The following ANKS1B variants were observed in gnomAD, a reference collection of about 807,000 sequenced individuals.
ANKS1B encodes the protein ankyrin repeat and sterile alpha motif domain containing 1B.
In ANKS1B, 36 loss-of-function variants were observed where a neutral mutation model predicts 148.3. The observed-to-expected ratio is 0.24, with a 90% CI of 0.19 to 0.32. The LOEUF is 0.32. Ranked by LOEUF, ANKS1B falls within the 10% of genes least tolerant of loss-of-function variation. The pLI is 1.00. For synonymous variants in ANKS1B, 542 were observed against 560.8 expected (o/e 0.97, Z 0.47); for missense variants, 1,157 against 1,542.6 (o/e 0.75, Z 4.19).
At chr12:98,940,137 G>A (rs554895759) in intron 17 of ANKS1B, among the ~76,000 whole-genome samples, 11 of 152,320 alleles carry the variant, frequency 7.2e-5, no homozygotes, top group Admixed American at 2.0e-4. Context: ...TCTTCTGTCA[G>A]TTGGGTCCCA....
chr12:99,274,270 A>G (rs2077412542), intron 12 of ANKS1B, among the ~76,000 whole-genome samples: 1 of 152,068 alleles, frequency 6.6e-6, no homozygotes, highest in Admixed American at 6.6e-5. Flanking sequence ...AAGAACAAAA[A>G]CCACTTTTTT....
intron 10 of ANKS1B, among the ~76,000 whole-genome samples, chr12:99,449,822 TAGC>T (rs1362450789): frequency 6.6e-6 from 1 of 152,126 alleles, no homozygotes; most frequent in Non-Finnish European, 1.5e-5. Context: ...GTTCCAGAAA[TAGC>T]AGATGATCCT....
At chr12:98,767,459 G>T (rs531727215) in intron 25 of ANKS1B, among the ~76,000 whole-genome samples, 4 of 151,548 alleles carry the variant, frequency 2.6e-5, no homozygotes, top group African/African-American at 9.7e-5. Flanking sequence ...CATTCTCTAC[G>T]CACTCCTGAG....
intron 4 of ANKS1B, among the ~76,000 whole-genome samples, chr12:99,786,021 T>G (rs2064976568): frequency 6.6e-6 from 1 of 152,192 alleles, no homozygotes; most frequent in African/African-American, 2.4e-5. Context: ...GCATGAACAT[T>G]TTATTTTTTC....
intron 15 of ANKS1B, among the ~76,000 whole-genome samples, chr12:99,108,359 C>T (rs1269645542): frequency 6.6e-6 from 1 of 152,154 alleles, no homozygotes; most frequent in Non-Finnish European, 1.5e-5. Context: ...CACCTAATGT[C>T]CCCAGTAGTC....
intron 12 of ANKS1B, among the ~76,000 whole-genome samples, chr12:99,355,744 C>T (rs1440771423): frequency 1.3e-5 from 2 of 152,072 alleles, no homozygotes; most frequent in Non-Finnish European, 2.9e-5. Context: ...TTCTTCCCTC[C>T]CTACTTAAGA....
At chr12:99,539,808 A>T (rs2097107785) in intron 9 of ANKS1B, among the ~76,000 whole-genome samples, 1 of 152,034 alleles carries the variant, frequency 6.6e-6, no homozygotes, top group African/African-American at 2.4e-5. Context: ...GCCTCAAGGG[A>T]TCCTTCTGCC....
intron 1 of ANKS1B, among the ~76,000 whole-genome samples, chr12:99,968,403 A>G (rs1288339152): frequency 6.6e-6 from 1 of 152,026 alleles, no homozygotes; most frequent in South Asian, 2.1e-4. Context: ...AAAAATACAA[A>G]AAAAAATAGC....
At chr12:98,884,061 A>G (rs1473820058) in intron 17 of ANKS1B, among the ~76,000 whole-genome samples, 4 of 152,200 alleles carry the variant, frequency 2.6e-5, no homozygotes, top group Non-Finnish European at 5.9e-5. Flanking sequence ...GAAAAAATTG[A>G]GTCTTCATAA....
chr12:98,887,704 T>A (rs926390028), intron 17 of ANKS1B, among the ~76,000 whole-genome samples: 1 of 152,086 alleles, frequency 6.6e-6, no homozygotes. Context: ...GTCTCCTGGG[T>A]TCATGAGATT....
intron 25 of ANKS1B, among the ~76,000 whole-genome samples, chr12:98,753,371 A>C (rs1018122508): frequency 2.0e-5 from 3 of 152,150 alleles, no homozygotes; most frequent in Non-Finnish European, 4.4e-5. Context: ...GGTCACAGAG[A>C]GTGTTCTGAA....
chr12:98,801,058 A>T lies in ANKS1B; in HGVS notation c.3209T>A (p.Val1070Glu). Residue 1070 changes from valine to glutamate, a missense_variant, in exon 21 of 27, where the codon GTA becomes GAA. Physicochemically the swap from Val to Glu is moderately radical, Grantham distance 121. Around this residue, in one of 6 missense-constraint regions of ANKS1B, gnomAD observed 258 missense variants for 497.0 expected, o/e 0.52. Transcript: ENST00000683438. The surrounding 1 kb of genome is among the most constrained non-coding windows in gnomAD (Gnocchi z 5.2). ...TTCTGGGTGATGCTGCCAGTACTGTACCGGGGTAGAGGCTGTGGCTTCATT... is the reference window on the plus strand; with the variant it reads ...TTCTGGGTGATGCTGCCAGTACTGTTCCGGGGTAGAGGCTGTGGCTTCATT... ...PPNEATASTP[V>E]QYWQHHPEKL... The T allele has an allele frequency of 1.2e-6, 2 of 1,612,930 alleles. No homozygotes were observed. The highest frequency in any genetic ancestry group is 1.7e-6 in the Non-Finnish European group (2 of 1,179,470).
intron 9 of ANKS1B, among the ~76,000 whole-genome samples, chr12:99,509,422 C>T (rs925209093): frequency 1.3e-5 from 2 of 151,914 alleles, no homozygotes; most frequent in African/African-American, 2.4e-5. Flanking sequence ...CTCCAGTGAA[C>T]ACACAAATGA....
intron 10 of ANKS1B, 49 bp downstream of exon 10, chr12:99,504,427 G>T: frequency 6.4e-7 from 1 of 1,573,074 alleles, no homozygotes; most frequent in South Asian, 1.2e-5. Context: ...ATCTTCATAT[G>T]AATAAGCAAG....
At chr12:99,933,545 T>C (rs1183192286) in intron 1 of ANKS1B, among the ~76,000 whole-genome samples, 1 of 152,118 alleles carries the variant, frequency 6.6e-6, no homozygotes, top group African/African-American at 2.4e-5. Context: ...TTTAAGACTG[T>C]TCACCCTGGC....
At chr12:98,780,815 C>A (rs1457890278) in intron 24 of ANKS1B, among the ~76,000 whole-genome samples, 3 of 152,128 alleles carry the variant, frequency 2.0e-5, no homozygotes, top group Non-Finnish European at 4.4e-5. Flanking sequence ...TCCAAAGGGA[C>A]ATGCTGGATA....
At chr12:98,779,972 G>C (rs1333952586) in intron 24 of ANKS1B, among the ~76,000 whole-genome samples, 2 of 152,130 alleles carry the variant, frequency 1.3e-5, no homozygotes, top group Non-Finnish European at 2.9e-5. Flanking sequence ...AAGCAGATTT[G>C]GGGAACTTGG....
Position 98,751,576 on chromosome 12 carries a change from G to T in ANKS1B, c.3580-54C>A, listed in dbSNP as rs2098090666. The T allele has an allele frequency of 6.4e-7, 1 of 1,564,824 alleles. No individual in the cohort carries two copies. The highest frequency in any genetic ancestry group is 8.8e-7 in the Non-Finnish European group (1 of 1,141,338). ...ACTGGCACACTGCAAATTAGAATGGGTCGAATGGCTGAGGAACACTGAGGG... is the reference window on the plus strand; with the variant it reads ...ACTGGCACACTGCAAATTAGAATGGTTCGAATGGCTGAGGAACACTGAGGG... On this transcript the variant is annotated intron_variant, in intron 25 of 26. Transcript: ENST00000683438. This position sits in a 1 kb window ranked among gnomAD's most constrained non-coding sequence, Gnocchi z 4.3.
At chr12:99,471,111 A>G (rs1364365433) in intron 10 of ANKS1B, among the ~76,000 whole-genome samples, 1 of 152,108 alleles carries the variant, frequency 6.6e-6, no homozygotes, top group East Asian at 1.9e-4. Context: ...CAAAATGACA[A>G]CCAAAAGTAT....
Sources: allele counts gnomAD v4.1 joint callset (sites outside exome capture counted in the v4.1 genomes callset), GRCh38; gene constraint gnomAD v4.1.1; regional missense constraint gnomAD v4.1.1; non-coding constraint Gnocchi (gnomAD v3.1); transcripts MANE v1.5; gene names NCBI Gene and HGNC (gene_info 2026-07-23, HGNC 2026-07-21).